SCRT2: variants seen among roughly 807,000 people sequenced by gnomAD.
SCRT2 encodes the protein transcriptional repressor scratch 2.
Under a neutral mutation model 3.7 loss-of-function variants are expected in SCRT2, and 2 were observed. That is an observed-to-expected ratio of 0.54 (90% CI 0.22 to 1.70). The LOEUF is 1.70. Among genes scored for constraint, SCRT2 ranks in the 40% most tolerant of loss-of-function variants. SCRT2 has a pLI of 0.19. For synonymous variants in SCRT2, 256 were observed against 220.6 expected (o/e 1.16, Z -1.42); for missense variants, 456 against 468.5 (o/e 0.97, Z 0.25).
chr20:675,721 G>C lies in SCRT2; in HGVS notation c.-120C>G, dbSNP rs1599927167. The C allele has an allele frequency of 1.5e-6, 1 of 657,534 alleles. No individual in the cohort carries two copies. The highest frequency in any genetic ancestry group is 2.1e-6 in the Non-Finnish European group (1 of 486,126). 40.7% of individuals were successfully genotyped at this position (657,534 alleles called of 1,614,324 possible). A position where few individuals can be genotyped will look rare whatever the true frequency, so the allele number is the denominator to read the frequency against. Reference sequence around the variant, plus strand: ...GGGCTGGAGCGCGGGAGGCCGCTCGGAGCCGGCACCGGTGGCGGCGGCCCC... The same window carrying C: ...GGGCTGGAGCGCGGGAGGCCGCTCGCAGCCGGCACCGGTGGCGGCGGCCCC... On this transcript the variant is annotated 5_prime_UTR_variant, in exon 1 of 2. Coordinates refer to ENST00000246104, the MANE Select transcript of SCRT2 (RefSeq NM_033129.4). The surrounding 1 kb of genome is among the most constrained non-coding windows in gnomAD (Gnocchi z 6.9).
rs924195964 is a variant in SCRT2 at position 667,986 on chromosome 20, A to G, written c.134-3525T>C. Among the ~76,000 whole-genome samples, 3 of 152,154 alleles carry G rather than the reference A, an allele frequency of 2.0e-5. No homozygotes were observed. Among genetic ancestry groups the G allele is most frequent in the East Asian group, 1.9e-4 (1 of 5,200 alleles). ...GTCCCCTCCACTCCCAGCTCCTCCA[A>G]TTCCACCCCGTTTTCCTCAGATTCA... On this transcript the variant is annotated intron_variant, in intron 1 of 1. Coordinates refer to ENST00000246104, the MANE Select transcript of SCRT2 (RefSeq NM_033129.4). This position sits in a 1 kb window ranked among gnomAD's most constrained non-coding sequence, Gnocchi z 4.4.
chr20:671,555 G>A, intron 1 of SCRT2, among the ~76,000 whole-genome samples: 1 of 152,238 alleles, frequency 6.6e-6, no homozygotes, highest in Non-Finnish European at 1.5e-5. Context: ...GGAGCTTTCT[G>A]AGGTGTGGAA....
intron 1 of SCRT2, among the ~76,000 whole-genome samples, chr20:674,195 C>T (rs959419253): frequency 1.3e-5 from 2 of 152,118 alleles, no homozygotes; most frequent in African/African-American, 4.8e-5. Flanking sequence ...CCAGCACTCT[C>T]TCTCTCTCTA....
chr20:675,410 G>A lies in SCRT2; in HGVS notation c.133+59C>T. ...CCCTCCTCGTGGCCCAAGCTGGGGA[G>A]GGCCCCAGCTCCCCTCGCCTCTTCT... On this transcript the variant is annotated intron_variant, in intron 1 of 1. Coordinates refer to ENST00000246104, the MANE Select transcript of SCRT2 (RefSeq NM_033129.4). The surrounding 1 kb of genome is among the most constrained non-coding windows in gnomAD (Gnocchi z 6.9). The A allele has an allele frequency of 8.1e-7, 1 of 1,237,746 alleles. No homozygotes were observed. The highest frequency in any genetic ancestry group is 3.1e-5 in the East Asian group (1 of 32,010). The allele number at this position is 1,237,746 out of a possible 1,614,324, so 76.7% of individuals were successfully genotyped here.
Position 674,397 on chromosome 20 carries a change from TCTCACACACACA to T in SCRT2, c.133+1060_133+1071del, listed in dbSNP as rs770369635. ...ACCCCCATCTCTCTCTCTCTCTCTC[TCTCACACACACA>T]CACACACACACACACACACACACAC... is the stretch of plus-strand genomic sequence containing the variant. On this transcript the variant is annotated intron_variant, in intron 1 of 1. Transcript: ENST00000246104. 3.6e-3 allele frequency among the ~76,000 whole-genome samples: 349 copies of T among 96,152 alleles called. 1 individual carries two copies. The highest frequency in any genetic ancestry group is 0.011 in the African/African-American group (293 of 26,514). The allele number at this position is 96,152 out of a possible 152,430, so 63.1% of individuals were successfully genotyped here.
chr20:673,645 G>C (rs1248010429), intron 1 of SCRT2, among the ~76,000 whole-genome samples: 2 of 152,192 alleles, frequency 1.3e-5, no homozygotes, highest in Non-Finnish European at 2.9e-5. Context: ...CACCCGCCCT[G>C]CTTCCCACTA....
Position 675,699 on chromosome 20 carries a change from C to T in SCRT2, c.-98G>A. On this transcript the variant is annotated 5_prime_UTR_variant, in exon 1 of 2. Transcript: ENST00000246104. The surrounding 1 kb of genome is among the most constrained non-coding windows in gnomAD (Gnocchi z 6.9). Reference sequence around the variant, plus strand: ...TCAGCACTGGACAGCTCCCAGCGGGCTGGAGCGCGGGAGGCCGCTCGGAGC... The same window carrying T: ...TCAGCACTGGACAGCTCCCAGCGGGTTGGAGCGCGGGAGGCCGCTCGGAGC... 3 of 955,520 alleles carry T rather than the reference C, an allele frequency of 3.1e-6. No homozygotes were observed. The highest frequency in any genetic ancestry group is 4.0e-6 in the Non-Finnish European group (3 of 745,008). 59.2% of individuals were successfully genotyped at this position (955,520 alleles called of 1,614,324 possible).
chr20:664,065 T>G lies in SCRT2; in HGVS notation c.530A>C (p.His177Pro). 1 of 1,611,388 alleles carries G rather than the reference T, an allele frequency of 6.2e-7. No homozygotes were observed. The highest frequency in any genetic ancestry group is 8.5e-7 in the Non-Finnish European group (1 of 1,179,502). ...SSNLSRHKQT[H>P]RSLDSQLARK... ...CGCCAGCTGGCTGTCCAGGCTGCGG[T>G]GCGTCTGCTTGTGGCGGCTCAGGTT... The change falls in exon 2 of 2, where the codon CAC (histidine) becomes CCC (proline). Residue 177 changes from histidine to proline, a missense_variant. By Grantham distance (77) the His-to-Pro change is moderately conservative (BLOSUM62 -2). Coordinates refer to ENST00000246104, the MANE Select transcript of SCRT2 (RefSeq NM_033129.4). The surrounding 1 kb of genome is among the most constrained non-coding windows in gnomAD (Gnocchi z 7.9).
At chr20:669,736 C>T (rs1022723913) in intron 1 of SCRT2, among the ~76,000 whole-genome samples, 2 of 152,332 alleles carry the variant, frequency 1.3e-5, no homozygotes, top group South Asian at 2.1e-4. Flanking sequence ...AGCAGCAAAG[C>T]GGGATAAAAA....
rs1984032817 is a variant in SCRT2 at position 663,597 on chromosome 20, G to C, written c.*74C>G. 1 of 1,262,122 alleles carries C rather than the reference G, an allele frequency of 7.9e-7. No individual in the cohort carries two copies. The highest frequency in any genetic ancestry group is 1.0e-6 in the Non-Finnish European group (1 of 996,146). The allele number at this position is 1,262,122 out of a possible 1,614,324, so 78.2% of individuals were successfully genotyped here. On this transcript the variant is annotated 3_prime_UTR_variant, in exon 2 of 2. Transcript: ENST00000246104. The surrounding 1 kb of genome is among the most constrained non-coding windows in gnomAD (Gnocchi z 6.9). ...GGAAACGCAGCCGGGGCTGGGCGAG[G>C]GCGCTGCGGGCGCAGGTAGGGGGCC...
chr20:670,481 C>G (rs1984298590), intron 1 of SCRT2, among the ~76,000 whole-genome samples: 2 of 152,196 alleles, frequency 1.3e-5, no homozygotes, highest in African/African-American at 4.8e-5. Flanking sequence ...TCTCTCCCGG[C>G]AGAGGGCCTC....
chr20:671,110 G>A (rs1984317997), intron 1 of SCRT2, among the ~76,000 whole-genome samples: 2 of 152,186 alleles, frequency 1.3e-5, no homozygotes, highest in African/African-American at 4.8e-5. Context: ...ACCTTGGACT[G>A]GAAACTGGGC....
rs538916452 is a variant in SCRT2 at position 664,325 on chromosome 20, G to C, written c.270C>G (p.Ser90Arg). The C allele has an allele frequency of 2.3e-5, 35 of 1,504,910 alleles. No individual in the cohort carries two copies. Among genetic ancestry groups the C allele is most frequent in the Non-Finnish European group, 3.1e-5 (35 of 1,117,718 alleles). 93.2% of individuals were successfully genotyped at this position (1,504,910 alleles called of 1,614,324 possible). A position where few individuals can be genotyped will look rare whatever the true frequency, so the allele number is the denominator to read the frequency against. Residue 90 changes from serine to arginine, a missense_variant, in exon 2 of 2, where the codon AGC (serine) becomes AGG (arginine). Transcript: ENST00000246104. This position sits in a 1 kb window ranked among gnomAD's most constrained non-coding sequence, Gnocchi z 7.9. ...CCCCTCGGAAGTAGCGCGCCGACAGGCTCGACTGCGGGCTTTCGGGGTCGC... is the reference window on the plus strand; with the variant it reads ...CCCCTCGGAAGTAGCGCGCCGACAGCCTCGACTGCGGGCTTTCGGGGTCGC... ...EYSDPESPQS[S>R]LSARYFRGEA...
chr20:675,401 A>G lies in SCRT2; in HGVS notation c.133+68T>C, dbSNP rs988297825. 1.3e-5 allele frequency: 16 copies of G among 1,221,864 alleles called. No homozygotes were observed. The highest frequency in any genetic ancestry group is 1.7e-5 in the Non-Finnish European group (16 of 961,806). The allele number at this position is 1,221,864 out of a possible 1,614,324, so 75.7% of individuals were successfully genotyped here. On this transcript the variant is annotated intron_variant, in intron 1 of 1. Coordinates refer to ENST00000246104, the MANE Select transcript of SCRT2 (RefSeq NM_033129.4). The surrounding 1 kb of genome is among the most constrained non-coding windows in gnomAD (Gnocchi z 6.9). ...CGCACGCGCCCCTCCTCGTGGCCCA[A>G]GCTGGGGAGGGCCCCAGCTCCCCTC...
Position 663,592 on chromosome 20 carries a change from G to T in SCRT2, c.*79C>A. ...GGCAGGGAAACGCAGCCGGGGCTGGGCGAGGGCGCTGCGGGCGCAGGTAGG... is the reference window on the plus strand; with the variant it reads ...GGCAGGGAAACGCAGCCGGGGCTGGTCGAGGGCGCTGCGGGCGCAGGTAGG... On this transcript the variant is annotated 3_prime_UTR_variant, in exon 2 of 2. Coordinates refer to ENST00000246104, the MANE Select transcript of SCRT2 (RefSeq NM_033129.4). This position sits in a 1 kb window ranked among gnomAD's most constrained non-coding sequence, Gnocchi z 6.9. 8.0e-7 allele frequency: 1 copy of T among 1,252,098 alleles called. No homozygotes were observed. Among genetic ancestry groups the T allele is most frequent in the Non-Finnish European group, 1.0e-6 (1 of 987,362 alleles). 77.6% of individuals were successfully genotyped at this position (1,252,098 alleles called of 1,614,324 possible). A position where few individuals can be genotyped will look rare whatever the true frequency, so the allele number is the denominator to read the frequency against.
At chr20:672,388 CGTGTGTGTGTGTGTGTGTGTGT>C (rs6147265) in intron 1 of SCRT2, among the ~76,000 whole-genome samples, 1 of 147,184 alleles carries the variant, frequency 6.8e-6, no homozygotes, top group African/African-American at 2.5e-5. Flanking sequence ...GAGCATTGCT[CGTGTGTGTGTGTGTGTGTGTGT>C]GTGTGTGTGT....
At chr20:672,398 TG>T (rs1984364254) in intron 1 of SCRT2, among the ~76,000 whole-genome samples, 3 of 136,942 alleles carry the variant, frequency 2.2e-5, no homozygotes, top group Non-Finnish European at 1.5e-5. Context: ...CGTGTGTGTG[TG>T]TGTGTGTGTG....
In SCRT2 at chr20:661,830, C is replaced by G. The variant is rs1983958341; in HGVS notation, c.*1841G>C. The G allele has an allele frequency of 6.5e-6, 1 of 152,808 alleles. No homozygotes were observed. The highest frequency in any genetic ancestry group is 1.5e-5 in the Non-Finnish European group (1 of 68,106). The allele number at this position is 152,808 out of a possible 1,614,324, so 9.5% of individuals were successfully genotyped here. ...GCTTCTGCTACCCCTCTCCCTCCCA[C>G]CATCCCTGCAGCCTCCCTTCCCGCT... On this transcript the variant is annotated 3_prime_UTR_variant, in exon 2 of 2. Coordinates refer to ENST00000246104, the MANE Select transcript of SCRT2 (RefSeq NM_033129.4).
At chr20:670,106 C>T (rs13041959) in intron 1 of SCRT2, among the ~76,000 whole-genome samples, 26,159 of 152,202 alleles carry the variant, frequency 0.17, 2,799 homozygotes, top group Non-Finnish European at 0.25. Context: ...CTGTGGCCTA[C>T]AGGGAGGTCC....
Sources: gnomAD v4.1 joint callset for allele counts (sites outside exome capture counted in the v4.1 genomes callset) on GRCh38, gnomAD v4.1.1 for gene constraint, Gnocchi (gnomAD v3.1) non-coding constraint, MANE v1.5 for transcripts, NCBI Gene and HGNC (gene_info 2026-07-23, HGNC 2026-07-21) for gene names.